Variants in PRSS23 observed in about 807,000 individuals in gnomAD.
PRSS23 encodes protease, serine 23.
Under a neutral mutation model 34.7 loss-of-function variants are expected in PRSS23, and 25 were observed. That is an observed-to-expected ratio of 0.72 (90% CI 0.53 to 1.01). The LOEUF is 1.01. PRSS23 is among the 50% of genes least tolerant of loss of function. The probability of loss-of-function intolerance (pLI) is 0.00; values close to 1 mark genes in which losing one functional copy is unlikely to be tolerated. For missense variants in PRSS23, 445 were observed against 475.6 expected (o/e 0.94, Z 0.60); for synonymous variants, 176 against 186.6 (o/e 0.94, Z 0.46).
intron 2 of PRSS23, among the ~76,000 whole-genome samples, chr11:86,908,348 A>G (rs1948957018): frequency 6.6e-6 from 1 of 151,988 alleles, no homozygotes; most frequent in Admixed American, 6.6e-5. Context: ...CATATTTTTA[A>G]TAATCAAAAT....
chr11:86,917,234 G>T (rs572780053), intron 2 of PRSS23, among the ~76,000 whole-genome samples: 23 of 152,256 alleles, frequency 1.5e-4, no homozygotes, highest in African/African-American at 5.5e-4. Flanking sequence ...TAGGAGAATC[G>T]CTTGAACCCG....
At chr11:86,877,842 AC>A (rs1301160524) in intron 2 of PRSS23, among the ~76,000 whole-genome samples, 1 of 138,028 alleles carries the variant, frequency 7.2e-6, no homozygotes, top group African/African-American at 2.9e-5. Flanking sequence ...TTTAGGATCA[AC>A]TTTTTCATTT....
chr11:86,880,392 C>T (rs1215868501), intron 2 of PRSS23, among the ~76,000 whole-genome samples: 1 of 151,604 alleles, frequency 6.6e-6, no homozygotes, highest in Non-Finnish European at 1.5e-5. Flanking sequence ...CACTATTGTC[C>T]TATGACCCTG....
In PRSS23 at chr11:86,902,384, CT is replaced by C. The variant is rs1228842715; in HGVS notation, c.207-48830del. On this transcript the variant is annotated intron_variant, in intron 2 of 2. Transcript: ENST00000533902. ...GCATTGGTACTTAATTTTTTTCTTT[CT>C]TAAGACCTGTTATTCAGCTTATCTC... Among the ~76,000 whole-genome samples, 8 of 152,246 alleles carry C rather than the reference CT, an allele frequency of 5.3e-5. No homozygotes were observed. In the South Asian group the frequency reaches 6.2e-4, roughly 12 times the overall value.
chr11:86,844,472 A>G (rs749715680), intron 2 of PRSS23, among the ~76,000 whole-genome samples: 1 of 152,202 alleles, frequency 6.6e-6, no homozygotes, highest in Non-Finnish European at 1.5e-5. Flanking sequence ...ACAGTGTGCA[A>G]TACAGCTGTC....
At position 86,879,159 on chromosome 11, in the gene PRSS23, A is replaced by G. The variant is rs1457469149; in HGVS notation, c.206+55566A>G. Among the ~76,000 whole-genome samples the G allele has an allele frequency of 4.5e-5, 6 of 133,232 alleles. 1 individual carries two copies. Among genetic ancestry groups the G allele is most frequent in the Admixed American group, 2.3e-4 (3 of 13,144 alleles). 87.4% of individuals were successfully genotyped at this position (133,232 alleles called of 152,430 possible). A position where few individuals can be genotyped will look rare whatever the true frequency, so the allele number is the denominator to read the frequency against. On this transcript the variant is annotated intron_variant, in intron 2 of 2. Transcript: ENST00000533902. ...TGAGGAGCGCCTCTTCCCGGCCGCCATCCCATCTAGGAAGTGAGGAGCGTC... is the reference window on the plus strand; with the variant it reads ...TGAGGAGCGCCTCTTCCCGGCCGCCGTCCCATCTAGGAAGTGAGGAGCGTC...
At chr11:86,873,134 GTTC>G (rs1160061848) in intron 2 of PRSS23, among the ~76,000 whole-genome samples, 3 of 150,906 alleles carry the variant, frequency 2.0e-5, no homozygotes, top group Admixed American at 2.0e-4. Context: ...TTTGAGAATA[GTTC>G]TTCTTTCAAT....
chr11:86,916,623 C>T (rs1351126235), intron 2 of PRSS23, among the ~76,000 whole-genome samples: 1 of 152,158 alleles, frequency 6.6e-6, no homozygotes, highest in Non-Finnish European at 1.5e-5. Context: ...GAGTGCTTCT[C>T]ACAGATTCGG....
chr11:86,930,064 ATAGTAT>A (rs1474748895), intron 2 of PRSS23, among the ~76,000 whole-genome samples: 2 of 152,034 alleles, frequency 1.3e-5, no homozygotes, highest in African/African-American at 4.8e-5. Context: ...CTATACTATA[ATAGTAT>A]TAGTTATAGT....
intron 2 of PRSS23, among the ~76,000 whole-genome samples, chr11:86,890,530 C>T (rs1299389192): frequency 6.6e-6 from 1 of 152,168 alleles, no homozygotes; most frequent in Non-Finnish European, 1.5e-5. Flanking sequence ...GCAGACACAT[C>T]TGAATGTGTG....
chr11:86,826,689 G>C lies in PRSS23; in HGVS notation c.206+3096G>C, dbSNP rs1031818768. On this transcript the variant is annotated intron_variant, in intron 2 of 2. Transcript: ENST00000533902. ...CCCATCAATACCTAATTTATTGAGA[G>C]TTTTTAGCATGAAGCATTGTTGAAT... 1.3e-3 allele frequency among the ~76,000 whole-genome samples: 201 copies of C among 152,310 alleles called. 1 individual carries two copies. The highest frequency in any genetic ancestry group is 4.6e-3 in the African/African-American group (191 of 41,570).
intron 2 of PRSS23, among the ~76,000 whole-genome samples, chr11:86,876,347 C>T (rs543465714): frequency 2.0e-5 from 3 of 152,306 alleles, no homozygotes; most frequent in Admixed American, 6.5e-5. Context: ...AAGGAATCAG[C>T]GAGTATGAGG....
chr11:86,939,426 A>ATATTTTTTTTTT lies in PRSS23; in HGVS notation c.207-11789_207-11788insATTTTTTTTTTT. Among the ~76,000 whole-genome samples, 220 of 94,024 alleles carry ATATTTTTTTTTT rather than the reference A, an allele frequency of 2.3e-3. 1 individual carries two copies. Among genetic ancestry groups the ATATTTTTTTTTT allele is most frequent in the Middle Eastern group, 0.014 (2 of 142 alleles). 61.7% of individuals were successfully genotyped at this position (94,024 alleles called of 152,430 possible). A position where few individuals can be genotyped will look rare whatever the true frequency, so the allele number is the denominator to read the frequency against. On this transcript the variant is annotated intron_variant, in intron 2 of 2. Transcript: ENST00000533902. ...AAAATATATATATATATATATATAT[A>ATATTTTTTTTTT]TTTTTTAACATGAGTAAAAATTGCA...
In PRSS23 at chr11:86,808,218, T is replaced by C; in HGVS notation, c.575T>C (p.Val192Ala). The change falls in exon 2 of 2, where the codon GTG becomes GCG. Residue 192 changes from valine to alanine, a missense_variant. Coordinates refer to ENST00000280258, the MANE Select transcript of PRSS23 (RefSeq NM_007173.6). ...GTGAAAGGAACCCAGAAGCTTCGAG[T>C]GGGCTTCCTAAAGCCCAAGTTTAAA... ...TYVKGTQKLR[V>A]GFLKPKFKDG... is the part of the protein sequence containing the mutation. The C allele has an allele frequency of 6.2e-7, 1 of 1,613,956 alleles. No homozygotes were observed. Among genetic ancestry groups the C allele is most frequent in the African/African-American group, 1.3e-5 (1 of 75,002 alleles).
intron 2 of PRSS23, among the ~76,000 whole-genome samples, chr11:86,939,386 T>A (rs1243792943): frequency 1.0e-5 from 1 of 97,754 alleles, no homozygotes; most frequent in Non-Finnish European, 2.3e-5. Context: ...TGTTCCTATT[T>A]CTCAGTTAAA....
intron 2 of PRSS23, chr11:86,823,616 C>CA: frequency 1.4e-6 from 1 of 702,366 alleles, no homozygotes; most frequent in Non-Finnish European, 2.6e-6. Context: ...CAGATTATCA[C>CA]AAAGCAGTGT....
At chr11:86,931,747 C>G (rs1361889868) in intron 2 of PRSS23, among the ~76,000 whole-genome samples, 1 of 152,088 alleles carries the variant, frequency 6.6e-6, no homozygotes, top group African/African-American at 2.4e-5. Context: ...GCTCAAGTGA[C>G]CCACTCACCT....
In PRSS23 at chr11:86,912,384, C is replaced by T. The variant is rs527302827; in HGVS notation, c.207-38832C>T. On this transcript the variant is annotated intron_variant, in intron 2 of 2. Coordinates refer to the PRSS23 transcript ENST00000533902. The stretch of plus-strand genomic sequence containing the variant: ...AAATGTCTTCTGCCCCATTTTCTAG[C>T]TTCTAGTCTTTGGGACTCCAATTGC... 1.0e-4 allele frequency: 13 copies of T among 128,498 alleles called. 1 individual carries two copies. Among genetic ancestry groups the T allele is most frequent in the Admixed American group, 5.8e-4 (7 of 12,086 alleles). The allele number at this position is 128,498 out of a possible 1,614,324, so 8.0% of individuals were successfully genotyped here.
chr11:86,936,429 G>A (rs747437143), intron 2 of PRSS23: 24 of 152,210 alleles, frequency 1.6e-4, no homozygotes, highest in Middle Eastern at 3.4e-3. Context: ...CACCACACCT[G>A]GCTAATTTTG....
Sources: gnomAD v4.1 joint callset for allele counts (sites outside exome capture counted in the v4.1 genomes callset) on GRCh38, gnomAD v4.1.1 for gene constraint, MANE v1.5 for transcripts, NCBI Gene and HGNC (gene_info 2026-07-23, HGNC 2026-07-21) for gene names.